The following SUGP1 variants were observed in gnomAD, a reference collection of about 807,000 sequenced individuals.
SUGP1 encodes SURP and G-patch domain-containing protein 1.
SUGP1 carries 34 observed loss-of-function variants against 76.5 expected under a neutral mutation model. That is an observed-to-expected ratio of 0.44 (90% confidence interval 0.34 to 0.59). The LOEUF (loss-of-function observed/expected upper bound fraction) is 0.59, where lower values mean the gene tolerates loss of function less well. SUGP1 is among the 20% of genes least tolerant of loss of function. SUGP1 has a pLI of 0.01. For missense variants in SUGP1, 752 were observed against 851.7 expected, an observed-to-expected ratio of 0.88 and a Z score of 1.46; for synonymous variants, 326 against 326.2, an observed-to-expected ratio of 1.00 and a Z score of 0.01.
At chr19:19,293,661 C>T (rs966663329) in intron 8 of SUGP1, among the ~76,000 whole-genome samples, 2 of 152,048 alleles carry the variant, frequency 1.3e-5, no homozygotes, top group Admixed American at 6.6e-5. Flanking sequence ...ACATCATACA[C>T]CCACACATCA....
chr19:19,312,757 G>A (rs1312638632), intron 2 of SUGP1, among the ~76,000 whole-genome samples: 1 of 152,112 alleles, frequency 6.6e-6, no homozygotes, highest in South Asian at 2.1e-4. Flanking sequence ...GGAGGCCAAG[G>A]CGGGTGGATC....
intron 3 of SUGP1, among the ~76,000 whole-genome samples, chr19:19,307,658 C>CTT (rs58906074): frequency 8.9e-5 from 13 of 145,854 alleles, no homozygotes; most frequent in Non-Finnish European, 1.4e-4. Context: ...TGGTATTTTT[C>CTT]TTTTTTTTTT....
Position 19,278,739 on chromosome 19 carries a change from AG to A in SUGP1, c.1585del (p.Leu529CysfsTer16). On this transcript the variant is annotated frameshift_variant, in exon 11 of 14. Coordinates refer to ENST00000247001, the MANE Select transcript of SUGP1 (RefSeq NM_172231.4). LOFTEE classifies it high-confidence loss of function. ...AAACTTTTCCAGCTCGTCTGGAGGC[AG>A]GAAGTCTCCGATGAAGTGCTTGCCC... Reference protein sequence around the residue: ...GRGKHFIGDFLPPDELEKFME... With the variant: ...GRGKHFIGDFXPPDELEKFME... The A allele has an allele frequency of 5.0e-6, 8 of 1,614,076 alleles. No individual in the cohort carries two copies. Among genetic ancestry groups the A allele is most frequent in the Non-Finnish European group, 6.8e-6 (8 of 1,179,978 alleles).
At chr19:19,296,298 GT>G (rs2061224791) in intron 8 of SUGP1, among the ~76,000 whole-genome samples, 1 of 152,086 alleles carries the variant, frequency 6.6e-6, no homozygotes, top group Non-Finnish European at 1.5e-5. Flanking sequence ...GCTCATACCT[GT>G]AATCACAGCA....
chr19:19,318,030 C>T (rs935054244), intron 1 of SUGP1, among the ~76,000 whole-genome samples: 5 of 151,370 alleles, frequency 3.3e-5, no homozygotes, highest in Non-Finnish European at 7.4e-5. Flanking sequence ...AGGCTGGTCT[C>T]GAACTCCCGT....
Position 19,301,129 on chromosome 19 carries a change from A to G in SUGP1, c.887+1136T>C, listed in dbSNP as rs112868747. On this transcript the variant is annotated intron_variant, in intron 7 of 13. Coordinates refer to ENST00000247001, the MANE Select transcript of SUGP1 (RefSeq NM_172231.4). ...AGTGATCCAACCCTGAGGTGTGGTC[A>G]ACAACTCAATGATCCCCAGGGCCAG... 1.2e-4 allele frequency among the ~76,000 whole-genome samples: 18 copies of G among 152,288 alleles called. 1 individual carries two copies. The highest frequency in any genetic ancestry group is 4.3e-4 in the African/African-American group (18 of 41,544).
intron 8 of SUGP1, among the ~76,000 whole-genome samples, chr19:19,291,889 TCACACACA>T (rs541521385): frequency 8.5e-4 from 110 of 128,704 alleles, no homozygotes; most frequent in South Asian, 2.0e-3. Flanking sequence ...TGAGACTCTG[TCACACACA>T]CACACACACA....
At chr19:19,298,187 G>C (rs1390510324) in intron 7 of SUGP1, among the ~76,000 whole-genome samples, 1 of 149,636 alleles carries the variant, frequency 6.7e-6, no homozygotes, top group Admixed American at 6.7e-5. Flanking sequence ...AAGGGTCAAG[G>C]ATGCTGTGAA....
chr19:19,276,800 C>T (rs1042612700), intron 13 of SUGP1, 126 bp from the exon 14 acceptor site: 36 of 1,538,532 alleles, frequency 2.3e-5, no homozygotes, highest in African/African-American at 5.4e-5. Context: ...GCTTGGGGGA[C>T]GGGTGGGGGC....
chr19:19,289,216 T>C (rs1001656133), intron 8 of SUGP1, among the ~76,000 whole-genome samples: 5 of 152,082 alleles, frequency 3.3e-5, no homozygotes, highest in African/African-American at 1.2e-4. Context: ...TATCTAAACA[T>C]AAAAAAGGTA....
At chr19:19,284,005 CAT>C (rs756735962) in intron 8 of SUGP1, among the ~76,000 whole-genome samples, 28 of 152,362 alleles carry the variant, frequency 1.8e-4, no homozygotes, top group Non-Finnish European at 2.6e-4. Context: ...TAAAACACCA[CAT>C]GACACTGATC....
Position 19,303,777 on chromosome 19 carries a change from G to A in SUGP1, c.609C>T (p.Gly203=). The A allele has an allele frequency of 6.2e-7, 1 of 1,614,164 alleles. No homozygotes were observed. The highest frequency in any genetic ancestry group is 8.5e-7 in the Non-Finnish European group (1 of 1,180,044). Residue 203 remains glycine (G), a synonymous_variant, in exon 5 of 14, where the codon GGC becomes GGT. Coordinates refer to ENST00000247001, the MANE Select transcript of SUGP1 (RefSeq NM_172231.4). ...EKLARFVAEG[G]PELEKVAMED... ...CCATAGCTACTTTTTCTAACTCGGGGCCTCCTTCTGCCACAAAGCGGGCCA... is the reference window on the plus strand; with the variant it reads ...CCATAGCTACTTTTTCTAACTCGGGACCTCCTTCTGCCACAAAGCGGGCCA...
chr19:19,304,049 T>C (rs1169046609), intron 4 of SUGP1: 1 of 1,559,340 alleles, frequency 6.4e-7, no homozygotes, highest in African/African-American at 1.3e-5. Context: ...ACACACTAGG[T>C]GGGAGAGAAG....
At chr19:19,316,666 G>C in intron 1 of SUGP1, 73 bp from the exon 2 acceptor site, 1 of 1,503,476 alleles carries the variant, frequency 6.7e-7, no homozygotes. Context: ...TGACAGGCCA[G>C]AGAGCAACTG....
intron 1 of SUGP1, among the ~76,000 whole-genome samples, chr19:19,320,196 G>A (rs1230337448): frequency 6.6e-6 from 1 of 152,220 alleles, no homozygotes; most frequent in Non-Finnish European, 1.5e-5. Context: ...AGCCCTGAAG[G>A]CGGTTGTTTC....
At chr19:19,309,076 A>G (rs986142824) in intron 3 of SUGP1, among the ~76,000 whole-genome samples, 1 of 152,062 alleles carries the variant, frequency 6.6e-6, no homozygotes, top group Non-Finnish European at 1.5e-5. Context: ...CATGTTGGTC[A>G]GGCTGATCTC....
At chr19:19,282,519 T>C (rs1313759358) in intron 8 of SUGP1, among the ~76,000 whole-genome samples, 1 of 151,106 alleles carries the variant, frequency 6.6e-6, no homozygotes, top group Non-Finnish European at 1.5e-5. Flanking sequence ...GAGGGGACCA[T>C]TCTGGAAATG....
In SUGP1 at chr19:19,313,904, G is replaced by A. The variant is rs372561259; in HGVS notation, c.206+2518C>T. On this transcript the variant is annotated intron_variant, in intron 2 of 13. Coordinates refer to ENST00000247001, the MANE Select transcript of SUGP1 (RefSeq NM_172231.4). ...TGTAATCCTAGCACTTAGGGAGGCC[G>A]AGGTGGGAGGAACAACCTGAGGCCA... Among the ~76,000 whole-genome samples the A allele has an allele frequency of 5.9e-5, 9 of 152,096 alleles. No individual in the cohort carries two copies. The South Asian group carries it at 1.2e-3, about 21-fold the overall frequency.
At chr19:19,319,706 C>CAAA (rs570232030) in intron 1 of SUGP1, among the ~76,000 whole-genome samples, 746 of 69,080 alleles carry the variant, frequency 0.011, 8 homozygotes, top group Non-Finnish European at 0.017. Flanking sequence ...GACCCTGTCT[C>CAAA]AAAAAAAAAA....
Sources: gnomAD v4.1 joint callset for allele counts (sites outside exome capture counted in the v4.1 genomes callset) on GRCh38, gnomAD v4.1.1 for gene constraint, MANE v1.5 for transcripts, NCBI Gene and HGNC (gene_info 2026-07-23, HGNC 2026-07-21) for gene names.